The following CACNA2D1 variants were observed in gnomAD, a reference collection of about 807,000 sequenced individuals.
CACNA2D1 encodes the protein calcium voltage-gated channel auxiliary subunit alpha2delta 1.
In CACNA2D1, 53 loss-of-function variants were observed where a neutral mutation model predicts 171.5. That is an observed-to-expected ratio of 0.31 (90% CI 0.25 to 0.39). CACNA2D1 has a LOEUF of 0.39. CACNA2D1 is among the 10% of genes least tolerant of loss of function. CACNA2D1 has a pLI of 1.00. For synonymous variants in CACNA2D1, 442 were observed against 443.1 expected, an observed-to-expected ratio of 1.00 and a Z score of 0.03; for missense variants, 903 against 1,299.8, an observed-to-expected ratio of 0.69 and a Z score of 4.69.
At chr7:82,291,659 A>AT (rs1486263492) in intron 3 of CACNA2D1, among the ~76,000 whole-genome samples, 30 of 136,928 alleles carry the variant, frequency 2.2e-4, no homozygotes, top group Middle Eastern at 3.6e-3. Context: ...GCATATATAT[A>AT]TATTTTTTTT....
chr7:82,236,279 A>T (rs1369424492), intron 3 of CACNA2D1, among the ~76,000 whole-genome samples: 1 of 152,078 alleles, frequency 6.6e-6, no homozygotes, highest in Non-Finnish European at 1.5e-5. Context: ...AAGCCTTTGG[A>T]TCCATTCTGT....
chr7:82,267,554 A>G (rs1320377281), intron 3 of CACNA2D1, among the ~76,000 whole-genome samples: 1 of 152,096 alleles, frequency 6.6e-6, no homozygotes, highest in East Asian at 1.9e-4. Flanking sequence ...GTACTCATCT[A>G]TTTCTCCCAT....
chr7:82,181,399 A>G (rs1797129353), intron 3 of CACNA2D1, among the ~76,000 whole-genome samples: 1 of 152,200 alleles, frequency 6.6e-6, no homozygotes, highest in South Asian at 2.1e-4. Flanking sequence ...CGATGTCTTT[A>G]GAACAGTACT....
chr7:81,997,272 T>G (rs1322164643), intron 18 of CACNA2D1, 22 bp from the exon 19 acceptor site: 1 of 1,447,206 alleles, frequency 6.9e-7, no homozygotes, highest in South Asian at 1.1e-5. Context: ...ACAATAATAA[T>G]TAGGTACATG....
chr7:82,098,499 T>G (rs1812204741), intron 6 of CACNA2D1, among the ~76,000 whole-genome samples: 1 of 152,176 alleles, frequency 6.6e-6, no homozygotes, highest in African/African-American at 2.4e-5. Context: ...CTGCATATCT[T>G]ACATGTACAG....
chr7:82,171,666 T>G (rs1796031324), intron 3 of CACNA2D1, among the ~76,000 whole-genome samples: 1 of 152,142 alleles, frequency 6.6e-6, no homozygotes, highest in Admixed American at 6.6e-5. Context: ...ATGGTTCTGT[T>G]TTCTCCCTGG....
At chr7:82,237,997 A>T (rs1055822170) in intron 3 of CACNA2D1, among the ~76,000 whole-genome samples, 18 of 151,894 alleles carry the variant, frequency 1.2e-4, no homozygotes, top group African/African-American at 4.3e-4. Context: ...TTTTCCACAC[A>T]CTATCTCATA....
intron 3 of CACNA2D1, among the ~76,000 whole-genome samples, chr7:82,266,447 A>G (rs748393575): frequency 2.0e-5 from 3 of 152,176 alleles, no homozygotes; most frequent in South Asian, 2.1e-4. Flanking sequence ...AACTCATAAG[A>G]AGTATTTTAT....
intron 1 of CACNA2D1, among the ~76,000 whole-genome samples, chr7:82,422,696 C>G (rs1355934219): frequency 6.6e-6 from 1 of 151,926 alleles, no homozygotes; most frequent in African/African-American, 2.4e-5. Flanking sequence ...TGTATAGTGA[C>G]AGATATAATG....
intron 24 of CACNA2D1, among the ~76,000 whole-genome samples, chr7:81,979,963 T>C (rs998006893): frequency 1.3e-5 from 2 of 151,586 alleles, no homozygotes; most frequent in Admixed American, 6.6e-5. Flanking sequence ...GTAAATAAAA[T>C]GTGGCCAGTG....
intron 19 of CACNA2D1, among the ~76,000 whole-genome samples, chr7:81,996,046 G>T (rs1280882075): frequency 6.6e-6 from 1 of 152,144 alleles, no homozygotes; most frequent in African/African-American, 2.4e-5. Context: ...GGAAGGAGTA[G>T]ATAACAGCTT....
intron 1 of CACNA2D1, among the ~76,000 whole-genome samples, chr7:82,352,841 G>A (rs1820010586): frequency 6.6e-6 from 1 of 152,154 alleles, no homozygotes. Context: ...GATGTGTTCA[G>A]TAACTTCAAG....
At chr7:82,108,891 T>C (rs1165059017) in intron 6 of CACNA2D1, among the ~76,000 whole-genome samples, 3 of 152,194 alleles carry the variant, frequency 2.0e-5, no homozygotes, top group African/African-American at 7.2e-5. Context: ...ATGATGTTCT[T>C]ACCATTTCCC....
At chr7:82,260,769 T>C (rs59948052) in intron 3 of CACNA2D1, among the ~76,000 whole-genome samples, 7,240 of 152,184 alleles carry the variant, frequency 0.048, 289 homozygotes, top group East Asian at 0.1. Flanking sequence ...TTTTTAACAA[T>C]GACATCAAAA....
chr7:82,061,656 T>C (rs1052231120), intron 9 of CACNA2D1, among the ~76,000 whole-genome samples: 35 of 152,184 alleles, frequency 2.3e-4, no homozygotes, highest in Admixed American at 7.9e-4. Flanking sequence ...GTTTAATTGA[T>C]GCCGGGCCAG....
chr7:82,389,618 A>C (rs1385787156), intron 1 of CACNA2D1, among the ~76,000 whole-genome samples: 1 of 152,162 alleles, frequency 6.6e-6, no homozygotes, highest in Non-Finnish European at 1.5e-5. Flanking sequence ...CACTTAGCTG[A>C]TGTACAGATT....
At chr7:82,376,707 C>T (rs925710729) in intron 1 of CACNA2D1, among the ~76,000 whole-genome samples, 1 of 152,192 alleles carries the variant, frequency 6.6e-6, no homozygotes, top group African/African-American at 2.4e-5. Flanking sequence ...TTTTCCCTTG[C>T]TACTAGCCTT....
chr7:82,013,494 A>T lies in CACNA2D1; in HGVS notation c.1239T>A (p.Ile413=). 9.3e-7 allele frequency: 1 copy of T among 1,076,070 alleles called. No homozygotes were observed. Among genetic ancestry groups the T allele is most frequent in the Non-Finnish European group, 1.3e-6 (1 of 770,750 alleles). The allele number at this position is 1,076,070 out of a possible 1,614,324, so 66.7% of individuals were successfully genotyped here. ...TGATTCTTATTGCACCAATGGAAGG[A>T]ATTTCATAATAATAACCTGAAATAT... The part of the protein sequence containing the change: ...ACENKGYYYE[I]PSIGAIRINT... Residue 413 remains isoleucine, a synonymous_variant, in exon 14 of 39, where the codon ATT becomes ATA. Transcript: ENST00000356860.
Position 81,983,320 on chromosome 7 carries a change from T to G in CACNA2D1, c.1888A>C (p.Met630Leu). Residue 630 changes from methionine to leucine, a missense_variant, in exon 23 of 39, where the codon ATG (methionine) becomes CTG (leucine). This residue lies in a region of CACNA2D1 where 623 missense variants were observed against 925.5 expected (regional missense o/e 0.67). Transcript: ENST00000356860. ...ITQARSKKGK[M>L]KDSETLKPDN... is the part of the protein sequence containing the mutation. Reference sequence around the variant, plus strand: ...GCAACAAGAAAATACTTGCCCTTCATTTTGCCCTTTTTTGCTGTGAAAATC... The same window carrying G: ...GCAACAAGAAAATACTTGCCCTTCAGTTTGCCCTTTTTTGCTGTGAAAATC... The G allele has an allele frequency of 6.2e-7, 1 of 1,611,228 alleles. No homozygotes were observed. The highest frequency in any genetic ancestry group is 1.1e-5 in the South Asian group (1 of 90,844).
Sources: gnomAD v4.1 joint callset for allele counts (sites outside exome capture counted in the v4.1 genomes callset) on GRCh38, gnomAD v4.1.1 for gene constraint, gnomAD v4.1.1 regional missense constraint, MANE v1.5 for transcripts, NCBI Gene and HGNC (gene_info 2026-07-23, HGNC 2026-07-21) for gene names.